The following GSR variants were observed in gnomAD, a reference collection of about 807,000 sequenced individuals.
GSR encodes glutathione-disulfide reductase, also known as glutathione reductase, mitochondrial.
GSR carries 48 observed loss-of-function variants against 56.5 expected under a neutral mutation model. The observed-to-expected ratio is 0.85, with a 90% CI of 0.67 to 1.08. GSR has a LOEUF of 1.08. Among genes scored for constraint, GSR ranks in the 50% least tolerant of loss-of-function variants. The pLI is 0.00. For missense variants in GSR, 694 were observed against 703.3 expected, an observed-to-expected ratio of 0.99 and a Z score of 0.15; for synonymous variants, 264 against 270.8, an observed-to-expected ratio of 0.97 and a Z score of 0.25.
chr8:30,703,265 C>T (rs749338585), intron 4 of GSR, 25 bp from the exon 5 acceptor site: 1 of 1,609,658 alleles, frequency 6.2e-7, no homozygotes, highest in South Asian at 1.1e-5. Context: ...ATGACATTAG[C>T]CTGTTCTTAG....
At chr8:30,708,884 G>A (rs745975310) in intron 3 of GSR, among the ~76,000 whole-genome samples, 25 of 149,572 alleles carry the variant, frequency 1.7e-4, no homozygotes, top group Admixed American at 9.3e-4. Flanking sequence ...GCGTGAACCC[G>A]GTAGGCGGAG....
At position 30,693,024 on chromosome 8, in the gene GSR, G is replaced by C. The variant is rs1187420013; in HGVS notation, c.827C>G (p.Thr276Ser). Residue 276 changes from threonine to serine, a missense_variant, in exon 8 of 13, where the codon ACC becomes AGC. Thr to Ser is a moderately conservative substitution (Grantham distance 58). Coordinates refer to ENST00000221130, the MANE Select transcript of GSR (RefSeq NM_000637.5). ...VLRSFDSMIS[T>S]NCTEELENAG... ...GTTCTCCAGCTCCTCCGTGCAGTTG[G>C]TGCTGATCATTGAATCAAAACTTCT... is the stretch of plus-strand genomic sequence containing the variant. 6.2e-7 allele frequency: 1 copy of C among 1,612,358 alleles called. No individual in the cohort carries two copies. Among genetic ancestry groups the C allele is most frequent in the Non-Finnish European group, 8.5e-7 (1 of 1,178,770 alleles).
At chr8:30,689,841 C>A in intron 8 of GSR, among the ~76,000 whole-genome samples, 1 of 133,624 alleles carries the variant, frequency 7.5e-6, no homozygotes, top group African/African-American at 2.8e-5. Flanking sequence ...TAAACATATG[C>A]ATATTATATA....
rs188264054 is a variant in GSR at position 30,701,337 on chromosome 8, A to G, written c.641-1202T>C. On this transcript the variant is annotated intron_variant, in intron 5 of 12. Coordinates refer to ENST00000221130, the MANE Select transcript of GSR (RefSeq NM_000637.5). ...AAAAATTAGCTGAGTGTGGTGGCGC[A>G]TGCCTGTAATCCCTGCTACTCAGGA... Among the ~76,000 whole-genome samples, 14 of 152,264 alleles carry G rather than the reference A, an allele frequency of 9.2e-5. No homozygotes were observed. In the East Asian group the frequency reaches 2.3e-3, roughly 25 times the overall value.
At chr8:30,701,291 C>A (rs1235479414) in intron 5 of GSR, among the ~76,000 whole-genome samples, 1 of 151,804 alleles carries the variant, frequency 6.6e-6, no homozygotes, top group East Asian at 1.9e-4. Context: ...CATGGTGAAA[C>A]CCCGTCTCTA....
intron 1 of GSR, among the ~76,000 whole-genome samples, chr8:30,719,580 A>AAAT (rs1242888533): frequency 6.6e-6 from 1 of 152,116 alleles, no homozygotes; most frequent in Non-Finnish European, 1.5e-5. Context: ...GCTGTTCAGT[A>AAAT]AATACATCAT....
At position 30,692,123 on chromosome 8, in the gene GSR, A is replaced by G. The variant is rs554694673; in HGVS notation, c.882+846T>C. Among the ~76,000 whole-genome samples the G allele has an allele frequency of 4.3e-4, 65 of 151,374 alleles. No homozygotes were observed. In the South Asian group the frequency reaches 7.7e-3, roughly 18 times the overall value. ...GTCTCAAAAAGAAAAAAAAAAAATC[A>G]AAGTTCATCTAAATTCAACTGCCAG... On this transcript the variant is annotated intron_variant, in intron 8 of 12. Coordinates refer to ENST00000221130, the MANE Select transcript of GSR (RefSeq NM_000637.5).
intron 8 of GSR, among the ~76,000 whole-genome samples, chr8:30,691,026 T>C (rs1439644620): frequency 6.6e-6 from 1 of 151,982 alleles, no homozygotes; most frequent in African/African-American, 2.4e-5. Context: ...CACTACAGCC[T>C]GGGCAACACA....
chr8:30,682,448 T>C (rs1158333425), intron 10 of GSR, among the ~76,000 whole-genome samples: 1 of 152,228 alleles, frequency 6.6e-6, no homozygotes, highest in East Asian at 1.9e-4. Context: ...TCGTATAAAG[T>C]TACCTACCAA....
rs1454784811 is a variant in GSR, at chr8:30,720,981, A to G, written c.306+6549T>C. ...ACCACAAATAACAGCCTGTAGTCTC[A>G]GCCAGTTGGGAAGCTGAGGCAGGAG... is the stretch of plus-strand genomic sequence containing the variant. On this transcript the variant is annotated intron_variant, in intron 1 of 12. Transcript: ENST00000221130. Among the ~76,000 whole-genome samples, 3 of 152,308 alleles carry G rather than the reference A, an allele frequency of 2.0e-5. No homozygotes were observed. The South Asian group carries it at 6.2e-4, about 32-fold the overall frequency.
Position 30,693,014 on chromosome 8 carries a change from C to T in GSR, c.837G>A (p.Thr279=), listed in dbSNP as rs749114652. 14 of 1,612,944 alleles carry T rather than the reference C, an allele frequency of 8.7e-6. No homozygotes were observed. The highest frequency in any genetic ancestry group is 1.2e-5 in the Non-Finnish European group (14 of 1,179,210). The stretch of plus-strand genomic sequence containing the variant: ...CCACGCCAGCGTTCTCCAGCTCCTC[C>T]GTGCAGTTGGTGCTGATCATTGAAT... ...SFDSMISTNC[T]EELENAGVEV... The change falls in exon 8 of 13, where the codon ACG becomes ACA. Residue 279 remains threonine (T), a synonymous_variant. Transcript: ENST00000221130.
chr8:30,681,110 A>G, intron 11 of GSR, 73 bp from the exon 12 acceptor site: 1 of 1,215,512 alleles, frequency 8.2e-7, no homozygotes, highest in Non-Finnish European at 1.2e-6. Context: ...GAGGGAGATG[A>G]CCAGAAATAC....
chr8:30,724,544 CTTTT>C (rs56145808), intron 1 of GSR, among the ~76,000 whole-genome samples: 4 of 84,626 alleles, frequency 4.7e-5, no homozygotes, highest in East Asian at 4.3e-4. Context: ...AACCCCCCAC[CTTTT>C]TTTTTTTTTT....
chr8:30,700,080 C>T lies in GSR; in HGVS notation c.695+1G>A. On this transcript the variant is annotated splice_donor_variant, in intron 6 of 12. Transcript: ENST00000221130. LOFTEE classifies it high-confidence loss of function. ...ACTGAGGTCAGGTCAGGTTGGCTTA[C>T]CCGGGCAATTCTTCCAGCTGAAAAA... is the stretch of plus-strand genomic sequence containing the variant. The T allele has an allele frequency of 6.2e-7, 1 of 1,611,558 alleles. No individual in the cohort carries two copies. The highest frequency in any genetic ancestry group is 8.5e-7 in the Non-Finnish European group (1 of 1,177,866).
chr8:30,696,225 C>T (rs2128742431), intron 7 of GSR, among the ~76,000 whole-genome samples, 155 bp downstream of exon 7: 1 of 152,096 alleles, frequency 6.6e-6, no homozygotes, highest in Middle Eastern at 3.4e-3. Flanking sequence ...GGGATATAGG[C>T]CAAATTCAGG....
chr8:30,705,136 A>G (rs1803879368), intron 4 of GSR, among the ~76,000 whole-genome samples: 1 of 152,144 alleles, frequency 6.6e-6, no homozygotes, highest in African/African-American at 2.4e-5. Flanking sequence ...TCCATTAAAA[A>G]AAAAAAAGGC....
Position 30,692,495 on chromosome 8 carries a change from C to CTTTTT in GSR, c.882+469_882+473dup, listed in dbSNP as rs71206280. 9.0e-4 allele frequency among the ~76,000 whole-genome samples: 53 copies of CTTTTT among 59,060 alleles called. 1 individual carries two copies. The highest frequency in any genetic ancestry group is 1.1e-3 in the Non-Finnish European group (37 of 35,106). 38.7% of individuals were successfully genotyped at this position (59,060 alleles called of 152,430 possible). A position where few individuals can be genotyped will look rare whatever the true frequency, so the allele number is the denominator to read the frequency against. On this transcript the variant is annotated intron_variant, in intron 8 of 12. Coordinates refer to ENST00000221130, the MANE Select transcript of GSR (RefSeq NM_000637.5). ...ACAGGTGTGAGCCACCACACCCAGA[C>CTTTTT]TTTTTTTTTTTTTTTTTTTTTTTGA...
chr8:30,682,905 G>A (rs1016562363), intron 10 of GSR, among the ~76,000 whole-genome samples: 1 of 151,708 alleles, frequency 6.6e-6, no homozygotes. Context: ...TCAGCTCGCT[G>A]CAACCTCTGC....
chr8:30,713,973 T>C (rs1367755954), intron 1 of GSR, among the ~76,000 whole-genome samples: 5 of 152,152 alleles, frequency 3.3e-5, no homozygotes, highest in Admixed American at 1.3e-4. Context: ...TCTGCAGCCA[T>C]TTAAAAGGGC....
Sources: gnomAD v4.1 joint callset for allele counts (sites outside exome capture counted in the v4.1 genomes callset) on GRCh38, gnomAD v4.1.1 for gene constraint, MANE v1.5 for transcripts, NCBI Gene and HGNC (gene_info 2026-07-23, HGNC 2026-07-21) for gene names.